SV2C: variants seen among roughly 807,000 people sequenced by gnomAD.
The protein encoded by SV2C is synaptic vesicle glycoprotein 2C.
Under a neutral mutation model 79.7 loss-of-function variants are expected in SV2C, and 49 were observed. The observed-to-expected ratio is 0.61, with a 90% confidence interval of 0.49 to 0.78. The LOEUF (loss-of-function observed/expected upper bound fraction) is 0.78, where lower values mean the gene tolerates loss of function less well. Ranked by LOEUF, SV2C falls within the 30% of genes least tolerant of loss-of-function variation. SV2C has a pLI of 0.00. For synonymous variants in SV2C, 334 were observed against 333.2 expected (o/e 1.00, Z -0.03); for missense variants, 833 against 912.9 (o/e 0.91, Z 1.13).
At chr5:75,939,089 A>G in the SV2C span, among the ~76,000 whole-genome samples, 3 of 152,206 alleles carry the variant, frequency 2.0e-5, no homozygotes, top group East Asian at 1.9e-4. Context: ...TCATACTTCC[A>G]GACCCTTCAC....
In SV2C at chr5:76,333,186, A is replaced by G. The variant is rs1749233330; in HGVS notation, c.*7639A>G. The G allele has an allele frequency of 1.3e-5, 2 of 152,176 alleles. No individual in the cohort carries two copies. 9.4% of individuals were successfully genotyped at this position (152,176 alleles called of 1,614,324 possible). A position where few individuals can be genotyped will look rare whatever the true frequency, so the allele number is the denominator to read the frequency against. On this transcript the variant is annotated 3_prime_UTR_variant, in exon 13 of 13. Transcript: ENST00000502798. Reference sequence around the variant, plus strand: ...GGCCTACCTAGATAGAACTTGACAAATTGGCCTAACTTCATCTCCGCTGCT... The same window carrying G: ...GGCCTACCTAGATAGAACTTGACAAGTTGGCCTAACTTCATCTCCGCTGCT...
the SV2C span, among the ~76,000 whole-genome samples, chr5:75,996,435 T>G: frequency 6.6e-6 from 1 of 152,202 alleles, no homozygotes; most frequent in African/African-American, 2.4e-5. Context: ...CCAGCTTTGT[T>G]CTTTTGGCTT....
chr5:76,288,598 A>G (rs6453214), intron 6 of SV2C, among the ~76,000 whole-genome samples: 15,676 of 152,270 alleles, frequency 0.1, 856 homozygotes, highest in Admixed American at 0.14. Flanking sequence ...ACCTTCTGAG[A>G]AGGTGTCTCT....
At chr5:76,235,684 AG>A (rs1303501908) in intron 4 of SV2C, among the ~76,000 whole-genome samples, 1 of 146,844 alleles carries the variant, frequency 6.8e-6, no homozygotes, top group Admixed American at 6.6e-5. Context: ...CAATAAAAAA[AG>A]GGATTAAGAT....
chr5:76,106,021 AACTTCAGCTACAT>A (rs1423973218), intron 1 of SV2C, among the ~76,000 whole-genome samples: 7 of 152,100 alleles, frequency 4.6e-5, no homozygotes, highest in African/African-American at 1.7e-4. Context: ...CTATCCCCTG[AACTTCAGCTACAT>A]ACTCAGCATC....
the SV2C span, among the ~76,000 whole-genome samples, chr5:75,998,997 G>A: frequency 3.9e-5 from 6 of 152,236 alleles, 1 homozygote; most frequent in East Asian, 7.7e-4. Flanking sequence ...GGCTGGGGAA[G>A]CCTCACAATC....
chr5:75,972,037 C>A, the SV2C span, among the ~76,000 whole-genome samples: 2 of 152,120 alleles, frequency 1.3e-5, no homozygotes, highest in Non-Finnish European at 2.9e-5. Context: ...CTACAACTAT[C>A]TGATCTTTGA....
At position 76,107,930 on chromosome 5, in the gene SV2C, G is replaced by A. The variant is rs138987887; in HGVS notation, c.-101-23720G>A. ...TTAAGATTTGTCATTTTAAAATAAT[G>A]TTTAATTCTTGAAGTCGGTAAAATA... On this transcript the variant is annotated intron_variant, in intron 1 of 12. Coordinates refer to ENST00000502798, the MANE Select transcript of SV2C (RefSeq NM_014979.4). 2.1e-3 allele frequency among the ~76,000 whole-genome samples: 317 copies of A among 152,262 alleles called. 2 individuals are homozygous for A. The highest frequency in any genetic ancestry group is 7.4e-3 in the African/African-American group (306 of 41,552).
chr5:76,315,941 A>C (rs1748603441), intron 12 of SV2C, among the ~76,000 whole-genome samples: 1 of 152,164 alleles, frequency 6.6e-6, no homozygotes, highest in Admixed American at 6.5e-5. Flanking sequence ...ATATTCCCTA[A>C]TGAACACACA....
At chr5:76,029,801 C>T in the SV2C span, among the ~76,000 whole-genome samples, 5 of 152,134 alleles carry the variant, frequency 3.3e-5, no homozygotes, top group African/African-American at 7.2e-5. Flanking sequence ...TACCATTTAC[C>T]GTGGCGATGT....
At chr5:76,218,439 G>A in intron 4 of SV2C, among the ~76,000 whole-genome samples, 1 of 152,168 alleles carries the variant, frequency 6.6e-6, no homozygotes, top group East Asian at 1.9e-4. Flanking sequence ...AAAATAATGA[G>A]CTCATGTCCT....
chr5:76,101,206 G>C (rs1747732276), intron 1 of SV2C, among the ~76,000 whole-genome samples: 1 of 152,100 alleles, frequency 6.6e-6, no homozygotes, highest in Admixed American at 6.5e-5. Flanking sequence ...GTGGGAGATT[G>C]AGCTGAAGGG....
At chr5:76,167,011 G>A (rs1743066578) in intron 2 of SV2C, among the ~76,000 whole-genome samples, 1 of 152,252 alleles carries the variant, frequency 6.6e-6, no homozygotes, top group South Asian at 2.1e-4. Flanking sequence ...TTACTATATT[G>A]TGGTTTGCAT....
chr5:76,305,026 G>A (rs1169747036), intron 12 of SV2C, among the ~76,000 whole-genome samples: 1 of 152,132 alleles, frequency 6.6e-6, no homozygotes, highest in African/African-American at 2.4e-5. Context: ...AAGGTAAAGG[G>A]GGAGCAGGCA....
chr5:76,039,520 C>T, the SV2C span, among the ~76,000 whole-genome samples: 1 of 152,268 alleles, frequency 6.6e-6, no homozygotes, highest in East Asian at 1.9e-4. Context: ...GTTTGCGAGG[C>T]TGAGGTGGGC....
intron 3 of SV2C, among the ~76,000 whole-genome samples, chr5:76,195,666 T>A (rs536477517): frequency 6.6e-6 from 1 of 152,304 alleles, no homozygotes; most frequent in East Asian, 1.9e-4. Flanking sequence ...TCATTTTCTT[T>A]AAAGAGCTTA....
the SV2C span, among the ~76,000 whole-genome samples, chr5:76,033,569 G>A: frequency 7.9e-5 from 12 of 152,060 alleles, no homozygotes; most frequent in Non-Finnish European, 1.3e-4. Context: ...GATATTCAGC[G>A]TTATTTCTGA....
the SV2C span, among the ~76,000 whole-genome samples, chr5:75,880,951 T>A: frequency 2.6e-5 from 4 of 152,096 alleles, no homozygotes; most frequent in Non-Finnish European, 4.4e-5. Flanking sequence ...CTGGTGAAGA[T>A]CTCAGGAAGC....
chr5:75,956,628 T>G, the SV2C span, among the ~76,000 whole-genome samples: 4 of 152,086 alleles, frequency 2.6e-5, no homozygotes, highest in South Asian at 8.3e-4. Context: ...AATCTGATTA[T>G]GAGAGCAGTA....
Sources: gnomAD v4.1 joint callset for allele counts (sites outside exome capture counted in the v4.1 genomes callset) on GRCh38, gnomAD v4.1.1 for gene constraint, MANE v1.5 for transcripts, NCBI Gene and HGNC (gene_info 2026-07-23, HGNC 2026-07-21) for gene names.